PTPRD: variants seen among roughly 807,000 people sequenced by gnomAD.
PTPRD encodes the protein protein tyrosine phosphatase receptor type D, also known as receptor-type tyrosine-protein phosphatase delta.
A neutral mutation model predicts 214.5 loss-of-function variants in PTPRD; 34 were observed. The observed-to-expected ratio is 0.16, with a 90% CI of 0.12 to 0.21. The LOEUF is 0.21. Ranked by LOEUF, PTPRD falls within the 10% of genes least tolerant of loss-of-function variation. The pLI is 1.00. For missense variants in PTPRD, 2,545 were observed against 2,398.7 expected (o/e 1.06, Z -1.27); for synonymous variants, 1,128 against 845.7 (o/e 1.33, Z -5.79).
rs766169618 is a variant in PTPRD, at chr9:9,235,366, A to G, written c.-202-52003T>C. On this transcript the variant is annotated intron_variant, in intron 9 of 45. Transcript: ENST00000381196. ...CTACACCATATCAGAGGCCAAGAAG[A>G]GTTTCCACTGATGGGGGCTTTCTGG... 7.2e-5 allele frequency among the ~76,000 whole-genome samples: 11 copies of G among 152,268 alleles called. No homozygotes were observed. The South Asian group carries it at 1.9e-3, about 26-fold the overall frequency.
At chr9:8,503,368 A>G (rs2097459000) in intron 23 of PTPRD, among the ~76,000 whole-genome samples, 1 of 152,148 alleles carries the variant, frequency 6.6e-6, no homozygotes, top group South Asian at 2.1e-4. Flanking sequence ...TCACTATGTC[A>G]AAAAGTAAAG....
chr9:10,113,061 TCA>T (rs2154237531), intron 3 of PTPRD, among the ~76,000 whole-genome samples: 1 of 152,336 alleles, frequency 6.6e-6, no homozygotes, highest in South Asian at 2.1e-4. Context: ...TCTTTCTGTG[TCA>T]CACTCAAAGT....
chr9:10,516,614 T>C (rs151249694), intron 2 of PTPRD, among the ~76,000 whole-genome samples: 1 of 152,110 alleles, frequency 6.6e-6, no homozygotes, highest in Non-Finnish European at 1.5e-5. Flanking sequence ...AATTTGCCTG[T>C]GCTTTTAGAG....
chr9:8,392,061 G>T (rs949608775), intron 36 of PTPRD, among the ~76,000 whole-genome samples: 17 of 152,154 alleles, frequency 1.1e-4, no homozygotes, highest in African/African-American at 3.9e-4. Context: ...TAGGCACCAG[G>T]AATCAATACT....
intron 8 of PTPRD, among the ~76,000 whole-genome samples, chr9:9,405,375 G>A (rs1369045745): frequency 1.3e-5 from 2 of 151,984 alleles, no homozygotes; most frequent in Non-Finnish European, 2.9e-5. Flanking sequence ...CATAGAAGTT[G>A]TAGGCAAAGC....
chr9:8,358,255 A>G (rs2077464634), intron 39 of PTPRD, among the ~76,000 whole-genome samples: 1 of 152,040 alleles, frequency 6.6e-6, no homozygotes, highest in Non-Finnish European at 1.5e-5. Flanking sequence ...AAGACTTACT[A>G]CACTTTAAAA....
intron 20 of PTPRD, among the ~76,000 whole-genome samples, chr9:8,520,619 G>A (rs1332950329): frequency 6.6e-6 from 1 of 151,822 alleles, no homozygotes; most frequent in East Asian, 1.9e-4. Context: ...AAAAAAAAAC[G>A]GTACCCTTAC....
chr9:10,228,926 A>G (rs1411476237), intron 3 of PTPRD, among the ~76,000 whole-genome samples: 1 of 151,882 alleles, frequency 6.6e-6, no homozygotes, highest in Non-Finnish European at 1.5e-5. Context: ...AGTGTCTACT[A>G]TGGGAGTGTA....
At chr9:8,486,611 T>C (rs892815070) in intron 27 of PTPRD, among the ~76,000 whole-genome samples, 6 of 152,346 alleles carry the variant, frequency 3.9e-5, no homozygotes, top group Middle Eastern at 3.4e-3. Context: ...AGGGGATTTT[T>C]TTGACACCTG....
Position 9,267,099 on chromosome 9 carries a change from C to T in PTPRD, c.-202-83736G>A, listed in dbSNP as rs140972416. On this transcript the variant is annotated intron_variant, in intron 9 of 45. Transcript: ENST00000381196. ...GAATAAATGTTTTAAATGCTAATTACCCTGATGGATCACCACGCATTATAT... is the reference window on the plus strand; with the variant it reads ...GAATAAATGTTTTAAATGCTAATTATCCTGATGGATCACCACGCATTATAT... 4.3e-3 allele frequency among the ~76,000 whole-genome samples: 645 copies of T among 151,228 alleles called. 2 individuals are homozygous for T. The highest frequency in any genetic ancestry group is 0.015 in the African/African-American group (616 of 41,414).
chr9:8,406,876 C>G (rs1055341502), intron 35 of PTPRD, among the ~76,000 whole-genome samples: 1 of 152,154 alleles, frequency 6.6e-6, no homozygotes, highest in African/African-American at 2.4e-5. Flanking sequence ...ACATAAGCTT[C>G]TTACACATCA....
intron 2 of PTPRD, among the ~76,000 whole-genome samples, chr9:10,463,035 G>A (rs373853059): frequency 6.6e-6 from 1 of 150,808 alleles, no homozygotes; most frequent in Non-Finnish European, 1.5e-5. Flanking sequence ...TCTGGGTGTG[G>A]TTATCACAAA....
At chr9:9,801,456 A>C (rs539806105) in intron 5 of PTPRD, among the ~76,000 whole-genome samples, 163 of 152,220 alleles carry the variant, frequency 1.1e-3, no homozygotes, top group African/African-American at 3.8e-3. Flanking sequence ...GAGTTTATAA[A>C]GCAAACAAAT....
chr9:9,328,522 T>G (rs775552629), intron 9 of PTPRD, among the ~76,000 whole-genome samples: 36 of 152,026 alleles, frequency 2.4e-4, no homozygotes, highest in Middle Eastern at 3.4e-3. Context: ...ATCTGTCAAT[T>G]TAGCATATGT....
chr9:10,505,099 C>A (rs1479075242), intron 2 of PTPRD, among the ~76,000 whole-genome samples: 1 of 152,134 alleles, frequency 6.6e-6, no homozygotes, highest in East Asian at 1.9e-4. Flanking sequence ...AAGGCAAAAC[C>A]TTAAAGTGAA....
rs867786809 is a variant in PTPRD, at chr9:8,733,908, C to T, written c.-65G>A. 9.5e-6 allele frequency: 14 copies of T among 1,481,192 alleles called. No homozygotes were observed. The highest frequency in any genetic ancestry group is 1.4e-5 in the African/African-American group (1 of 71,906). The allele number at this position is 1,481,192 out of a possible 1,614,324, so 91.8% of individuals were successfully genotyped here. A position where few individuals can be genotyped will look rare whatever the true frequency, so the allele number is the denominator to read the frequency against. ...CACTGCCTCCGGAGCCGCAGCGAGTCTGTCCGATCTGAAATTTCAGCTGGA... is the reference window on the plus strand; with the variant it reads ...CACTGCCTCCGGAGCCGCAGCGAGTTTGTCCGATCTGAAATTTCAGCTGGA... On this transcript the variant is annotated 5_prime_UTR_variant, in exon 12 of 46. Coordinates refer to ENST00000381196, the MANE Select transcript of PTPRD (RefSeq NM_002839.4).
At chr9:8,511,956 T>C (rs975444033) in intron 21 of PTPRD, among the ~76,000 whole-genome samples, 4 of 152,110 alleles carry the variant, frequency 2.6e-5, no homozygotes, top group Non-Finnish European at 5.9e-5. Context: ...CTTCACATTA[T>C]CAGATGCTGA....
At chr9:9,680,627 G>A (rs930799737) in intron 7 of PTPRD, among the ~76,000 whole-genome samples, 3 of 151,716 alleles carry the variant, frequency 2.0e-5, no homozygotes, top group East Asian at 3.9e-4. Flanking sequence ...ATAGCTAACT[G>A]GACACCACCT....
intron 14 of PTPRD, among the ~76,000 whole-genome samples, chr9:8,574,026 TC>T (rs1408190435): frequency 2.0e-5 from 3 of 152,068 alleles, no homozygotes; most frequent in East Asian, 3.9e-4. Flanking sequence ...CCAGGGACTT[TC>T]TGGTTCCTCC....
Sources: gnomAD v4.1 joint callset for allele counts (sites outside exome capture counted in the v4.1 genomes callset) on GRCh38, gnomAD v4.1.1 for gene constraint, MANE v1.5 for transcripts, NCBI Gene and HGNC (gene_info 2026-07-23, HGNC 2026-07-21) for gene names.